The following GPATCH8 variants were observed in gnomAD, a reference collection of about 807,000 sequenced individuals.
GPATCH8 encodes the protein G patch domain-containing protein 8.
Under a neutral mutation model 118.3 loss-of-function variants are expected in GPATCH8, and 18 were observed. The observed-to-expected ratio is 0.15, with a 90% CI of 0.11 to 0.23. The LOEUF (loss-of-function observed/expected upper bound fraction) is 0.23, where lower values mean the gene tolerates loss of function less well. Among genes scored for constraint, GPATCH8 ranks in the 10% least tolerant of loss-of-function variants. The probability of loss-of-function intolerance (pLI) is 1.00; values close to 1 mark genes in which losing one functional copy is unlikely to be tolerated. For missense variants in GPATCH8, 1,631 were observed against 1,873.8 expected, an observed-to-expected ratio of 0.87 and a Z score of 2.39; for synonymous variants, 659 against 684.7, an observed-to-expected ratio of 0.96 and a Z score of 0.59.
Position 44,400,079 on chromosome 17 carries a change from T to G in GPATCH8, c.1998A>C (p.Lys666Asn), listed in dbSNP as rs762561667. ...EDTGRSLPSK[K>N]ERSGKSHRHK... The stretch of plus-strand genomic sequence containing the variant: ...GCCGGTGGGACTTCCCAGATCGTTC[T>G]TTCTTGCTGGGAAGGCTTCTCCCTG... Residue 666 changes from lysine to asparagine, a missense_variant, in exon 8 of 8, where the codon AAA (lysine) becomes AAC (asparagine). This residue lies in a region of GPATCH8 where 922 missense variants were observed against 879.7 expected (regional missense o/e 1.05). Coordinates refer to ENST00000591680, the MANE Select transcript of GPATCH8 (RefSeq NM_001002909.4). 9 of 1,613,930 alleles carry G rather than the reference T, an allele frequency of 5.6e-6. No individual in the cohort carries two copies. The highest frequency in any genetic ancestry group is 5.5e-5 in the South Asian group (5 of 91,082).
Position 44,400,443 on chromosome 17 carries a change from T to C in GPATCH8, c.1634A>G (p.Glu545Gly), listed in dbSNP as rs2048973028. 2.5e-6 allele frequency: 4 copies of C among 1,614,092 alleles called. No individual in the cohort carries two copies. Among genetic ancestry groups the C allele is most frequent in the Non-Finnish European group, 3.4e-6 (4 of 1,180,024 alleles). ...GPFFPVLSKD[E>G]STALQWPSEL... Reference sequence around the variant, plus strand: ...TGATGGCCACTGGAGGGCAGTGCTTTCATCTTTGCTCAAAACTGGGAAGAA... The same window carrying C: ...TGATGGCCACTGGAGGGCAGTGCTTCCATCTTTGCTCAAAACTGGGAAGAA... The change falls in exon 8 of 8, where the codon GAA becomes GGA. Residue 545 changes from glutamate to glycine, a missense_variant. By Grantham distance (98) the Glu-to-Gly change is moderately conservative. Around this residue, in one of 8 missense-constraint regions of GPATCH8, gnomAD observed 405 missense variants for 462.7 expected, o/e 0.88. Transcript: ENST00000591680.
chr17:44,492,337 G>A (rs1969313569), intron 1 of GPATCH8, among the ~76,000 whole-genome samples: 1 of 147,458 alleles, frequency 6.8e-6, no homozygotes, highest in Non-Finnish European at 1.5e-5. Context: ...CAGCACTTTG[G>A]GAGGCCGAGG....
chr17:44,416,517 T>C (rs952391701), intron 6 of GPATCH8, among the ~76,000 whole-genome samples: 1 of 152,154 alleles, frequency 6.6e-6, no homozygotes, highest in African/African-American at 2.4e-5. Flanking sequence ...AACAGTGGTA[T>C]AGAATACCAC....
chr17:44,406,084 G>C lies in GPATCH8; in HGVS notation c.493-33C>G, dbSNP rs1401994327. 5.2e-6 allele frequency: 8 copies of C among 1,546,712 alleles called. No individual in the cohort carries two copies. In the African/African-American group the frequency reaches 9.5e-5, roughly 18 times the overall value. Reference sequence around the variant, plus strand: ...AAAAGAAAGAAAGATACAGAGGGTGGATGATTTACAGTAACTTGGGAATCA... The same window carrying C: ...AAAAGAAAGAAAGATACAGAGGGTGCATGATTTACAGTAACTTGGGAATCA... On this transcript the variant is annotated intron_variant, in intron 6 of 7. Transcript: ENST00000591680.
chr17:44,438,544 A>T (rs2050588955), intron 3 of GPATCH8: 1 of 152,294 alleles, frequency 6.6e-6, no homozygotes, highest in African/African-American at 2.4e-5. Flanking sequence ...GACAAGTTGC[A>T]TAAGGAAAGG....
chr17:44,444,676 G>A (rs2050812614), intron 3 of GPATCH8, among the ~76,000 whole-genome samples: 1 of 152,134 alleles, frequency 6.6e-6, no homozygotes, highest in Non-Finnish European at 1.5e-5. Context: ...GGGAGGCTGA[G>A]GCAGGAGAAT....
At chr17:44,420,919 G>C (rs1290446795) in intron 6 of GPATCH8, among the ~76,000 whole-genome samples, 1 of 151,870 alleles carries the variant, frequency 6.6e-6, no homozygotes, top group East Asian at 1.9e-4. Context: ...GAGTGCAGTG[G>C]TGCCATCTTG....
At chr17:44,475,507 A>T (rs1302191332) in intron 1 of GPATCH8, among the ~76,000 whole-genome samples, 2 of 149,946 alleles carry the variant, frequency 1.3e-5, no homozygotes, top group Non-Finnish European at 3.0e-5. Flanking sequence ...GACCATCCTG[A>T]CACGGTGAAA....
intron 5 of GPATCH8, among the ~76,000 whole-genome samples, chr17:44,428,015 C>T (rs2050150776): frequency 6.6e-6 from 1 of 152,178 alleles, no homozygotes; most frequent in Non-Finnish European, 1.5e-5. Flanking sequence ...GGCGTGGTAG[C>T]CCATGTCTGT....
At chr17:44,501,872 T>C (rs1026761146) in intron 1 of GPATCH8, among the ~76,000 whole-genome samples, 3 of 152,188 alleles carry the variant, frequency 2.0e-5, no homozygotes, top group Non-Finnish European at 4.4e-5. Flanking sequence ...TAAAAATCAA[T>C]AAAGCTCATA....
intron 2 of GPATCH8, chr17:44,465,284 G>A (rs2051718172): frequency 1.3e-5 from 2 of 152,038 alleles, no homozygotes; most frequent in African/African-American, 4.8e-5. Context: ...AACAGGCCTA[G>A]CAATAAGTTA....
At chr17:44,433,532 T>C (rs2050392600) in intron 5 of GPATCH8, among the ~76,000 whole-genome samples, 1 of 152,146 alleles carries the variant, frequency 6.6e-6, no homozygotes, top group African/African-American at 2.4e-5. Context: ...GGCAGAGTGG[T>C]TAATTATTTA....
intron 1 of GPATCH8, among the ~76,000 whole-genome samples, chr17:44,490,544 C>CA (rs1969164355): frequency 6.6e-6 from 1 of 151,784 alleles, no homozygotes; most frequent in Middle Eastern, 3.2e-3. Flanking sequence ...TCTAAATCAA[C>CA]ACTTCCTTTC....
chr17:44,427,493 C>T (rs1438724388), intron 5 of GPATCH8, among the ~76,000 whole-genome samples: 2 of 151,932 alleles, frequency 1.3e-5, no homozygotes, highest in South Asian at 2.1e-4. Context: ...AGAAATAGGG[C>T]TATTAAAGTA....
rs113849130 is a variant in GPATCH8, at chr17:44,429,090, G to A, written c.349-4598C>T. The stretch of plus-strand genomic sequence containing the variant: ...CGGGAGGCGGAGCTTGCAGTGAGCC[G>A]AGATGGCGCCACTGCACTCCAGCCT... On this transcript the variant is annotated intron_variant, in intron 5 of 7. Transcript: ENST00000591680. Among the ~76,000 whole-genome samples the A allele has an allele frequency of 1.2e-3, 188 of 152,034 alleles. 1 individual carries two copies. The highest frequency in any genetic ancestry group is 6.8e-4 in the Non-Finnish European group (46 of 67,960).
chr17:44,409,597 T>C (rs1269863771), intron 6 of GPATCH8, among the ~76,000 whole-genome samples: 1 of 152,198 alleles, frequency 6.6e-6, no homozygotes, highest in African/African-American at 2.4e-5. Flanking sequence ...GCAGTATGTG[T>C]AAAGCATCGG....
At chr17:44,452,876 G>A (rs2051168821) in intron 3 of GPATCH8, among the ~76,000 whole-genome samples, 1 of 151,220 alleles carries the variant, frequency 6.6e-6, no homozygotes, top group South Asian at 2.1e-4. Context: ...TCAGGCTGGA[G>A]TGCAGTGGCA....
At chr17:44,421,027 T>C (rs1254108103) in intron 6 of GPATCH8, among the ~76,000 whole-genome samples, 1 of 151,946 alleles carries the variant, frequency 6.6e-6, no homozygotes, top group African/African-American at 2.4e-5. Context: ...ATTTTTTTTA[T>C]TTTTAGTAGA....
intron 3 of GPATCH8, among the ~76,000 whole-genome samples, chr17:44,460,310 CTTTTATT>C (rs2051495671): frequency 6.6e-6 from 1 of 151,780 alleles, no homozygotes; most frequent in African/African-American, 2.4e-5. Context: ...TTCTTCAGGT[CTTTTATT>C]TTTTAATACT....
Sources: allele counts gnomAD v4.1 joint callset (sites outside exome capture counted in the v4.1 genomes callset), GRCh38; gene constraint gnomAD v4.1.1; regional missense constraint gnomAD v4.1.1; transcripts MANE v1.5; gene names NCBI Gene and HGNC (gene_info 2026-07-23, HGNC 2026-07-21).